The following STOML1 variants were observed in gnomAD, a reference collection of about 807,000 sequenced individuals.
STOML1 encodes stomatin like 1, also known as stomatin-like protein 1.
Under a neutral mutation model 35.7 loss-of-function variants are expected in STOML1, and 27 were observed. The ratio of observed to expected loss-of-function variants is 0.76; its 90% CI spans 0.56 to 1.04. The LOEUF is 1.04. Ranked by LOEUF, STOML1 falls within the 50% of genes least tolerant of loss-of-function variation. The pLI, the probability that STOML1 is intolerant of heterozygous loss-of-function variation, is 0.00. For missense variants in STOML1, 451 were observed against 527.1 expected (o/e 0.86, Z 1.41); for synonymous variants, 219 against 227.9 (o/e 0.96, Z 0.35).
chr15:73,984,157 C>A (rs368018019), intron 6 of STOML1, 27 bp from the exon 7 acceptor site: 6 of 1,596,810 alleles, frequency 3.8e-6, no homozygotes, highest in Admixed American at 1.7e-5. Context: ...AACCGAGTGT[C>A]AGTAGGGGAA....
chr15:73,985,204 G>A, intron 5 of STOML1, 114 bp downstream of exon 5: 6 of 1,271,736 alleles, frequency 4.7e-6, no homozygotes, highest in Non-Finnish European at 6.4e-6. Context: ...TGGTCAGTGT[G>A]GGCTGAACAT....
At chr15:73,991,956 C>T (rs2069290775) in intron 1 of STOML1, 135 bp downstream of exon 1, 1 of 1,333,284 alleles carries the variant, frequency 7.5e-7, no homozygotes, top group African/African-American at 1.5e-5. Flanking sequence ...CCCCTCTCCA[C>T]ATCGTATCCC....
intron 1 of STOML1, 110 bp downstream of exon 1, chr15:73,991,981 C>A: frequency 7.0e-7 from 1 of 1,425,590 alleles, no homozygotes; most frequent in Admixed American, 2.8e-5. Context: ...TCAGTCCCCC[C>A]TCGTAGGGTG....
rs1030663119 is a variant in STOML1 at position 73,983,893 on chromosome 15, G to A, written c.*44C>T. 18 of 1,571,406 alleles carry A rather than the reference G, an allele frequency of 1.1e-5. No individual in the cohort carries two copies. In the African/African-American group the frequency reaches 2.3e-4, roughly 20 times the overall value. ...CTCCTCCAAGAGGCCCCTCAGGCTT[G>A]GTGCCAGGCTTGGGACTGGGCTCTG... On this transcript the variant is annotated 3_prime_UTR_variant, in exon 7 of 7. Coordinates refer to ENST00000541638, the MANE Select transcript of STOML1 (RefSeq NM_004809.5).
intron 6 of STOML1, 25 bp downstream of exon 6, chr15:73,984,634 G>A: frequency 6.2e-7 from 1 of 1,609,986 alleles, no homozygotes; most frequent in Non-Finnish European, 8.5e-7. Flanking sequence ...TGGATGGGAA[G>A]GAGAGGCAAG....
chr15:73,986,449 CT>C (rs1016013340), intron 4 of STOML1: 2 of 152,088 alleles, frequency 1.3e-5, no homozygotes, highest in Non-Finnish European at 2.9e-5. Flanking sequence ...AGCATCAGGG[CT>C]AGGGCAGGAC....
Position 73,984,006 on chromosome 15 carries a change from T to C in STOML1, c.1128A>G (p.Gly376=), listed in dbSNP as rs1422741046. The change falls in exon 7 of 7, where the codon GGA becomes GGG. Residue 376 remains glycine, a synonymous_variant. Coordinates refer to ENST00000541638, the MANE Select transcript of STOML1 (RefSeq NM_004809.5). Reference sequence around the variant, plus strand: ...CCAGGTCGCCCTTCACCTTCAGCCGTCCACTCATGTAGGCCCCCAGGGGCC... The same window carrying C: ...CCAGGTCGCCCTTCACCTTCAGCCGCCCACTCATGTAGGCCCCCAGGGGCC... ...ELRPLGAYMS[G]RLKVKGDLAM... The C allele has an allele frequency of 1.2e-6, 2 of 1,614,002 alleles. No individual in the cohort carries two copies. The highest frequency in any genetic ancestry group is 1.1e-5 in the South Asian group (1 of 91,088).
Position 73,982,451 on chromosome 15 carries a change from C to T in STOML1, c.*1486G>A. The T allele has an allele frequency of 6.5e-6, 1 of 152,922 alleles. No homozygotes were observed. The allele number at this position is 152,922 out of a possible 1,614,324, so 9.5% of individuals were successfully genotyped here. ...GCCCTGGAAACCTGAACCTCAATGG[C>T]CATGGCAGTGACAGAGGGGTCTGTG... On this transcript the variant is annotated 3_prime_UTR_variant, in exon 7 of 7. Coordinates refer to ENST00000541638, the MANE Select transcript of STOML1 (RefSeq NM_004809.5).
chr15:73,990,108 T>G (rs1025492238), intron 2 of STOML1: 7 of 481,060 alleles, frequency 1.5e-5, no homozygotes, highest in African/African-American at 1.4e-4. Flanking sequence ...AGTGTCCAGA[T>G]CCCAGGACTT....
In STOML1 at chr15:73,983,612, G is replaced by T; in HGVS notation, c.*325C>A. On this transcript the variant is annotated 3_prime_UTR_variant, in exon 7 of 7. Coordinates refer to ENST00000541638, the MANE Select transcript of STOML1 (RefSeq NM_004809.5). Reference sequence around the variant, plus strand: ...CCAGCTGCTGTCAGGCTGTTTCTGTGGGTCCTGTCTCTCCAGTCAGGAAGC... The same window carrying T: ...CCAGCTGCTGTCAGGCTGTTTCTGTTGGTCCTGTCTCTCCAGTCAGGAAGC... 1 of 265,292 alleles carries T rather than the reference G, an allele frequency of 3.8e-6. No individual in the cohort carries two copies. The highest frequency in any genetic ancestry group is 1.1e-4 in the South Asian group (1 of 8,792). The allele number at this position is 265,292 out of a possible 1,614,324, so 16.4% of individuals were successfully genotyped here.
upstream of STOML1, among the ~76,000 whole-genome samples, chr15:73,992,707 G>T (rs1431887103): frequency 1.3e-5 from 2 of 152,214 alleles, no homozygotes; most frequent in Non-Finnish European, 2.9e-5. Flanking sequence ...CACTTGGGAG[G>T]CTGAGGCGGG....
chr15:73,985,200 G>C, intron 5 of STOML1, 118 bp downstream of exon 5: 1 of 1,253,006 alleles, frequency 8.0e-7, no homozygotes. Context: ...GCTGTGGTCA[G>C]TGTGGGCTGA....
chr15:73,991,671 C>G (rs1475979568), intron 1 of STOML1: 5 of 465,962 alleles, frequency 1.1e-5, no homozygotes, highest in Non-Finnish European at 1.7e-5. Flanking sequence ...AGTTCCCGGG[C>G]TTCTAGAGGT....
Position 73,990,425 on chromosome 15 carries a change from G to A in STOML1, c.166C>T (p.His56Tyr). Residue 56 changes from histidine to tyrosine, a missense_variant, in exon 2 of 7, where the codon CAT becomes TAT. By Grantham distance (83) the His-to-Tyr change is moderately conservative (BLOSUM62 2). Coordinates refer to ENST00000541638, the MANE Select transcript of STOML1 (RefSeq NM_004809.5). ...AACCCCAGGAAACTGATGAGGCCAT[G>A]ACAGAGGCAGGAGGGCCAGCTCTGG... ...VPQSWPSCLC[H>Y]GLISFLGFLL... The A allele has an allele frequency of 5.6e-6, 9 of 1,614,054 alleles. No individual in the cohort carries two copies. Among genetic ancestry groups the A allele is most frequent in the Non-Finnish European group, 7.6e-6 (9 of 1,179,968 alleles).
In STOML1 at chr15:73,992,233, C is replaced by T. The variant is rs1179178589; in HGVS notation, c.-10G>A. On this transcript the variant is annotated 5_prime_UTR_variant, in exon 1 of 7. Coordinates refer to ENST00000541638, the MANE Select transcript of STOML1 (RefSeq NM_004809.5). ...CAGACCTGCCGAGCATGGCTTTTGA[C>T]AGGAGACACGCCCCGCGCCTCCGCG... is the stretch of plus-strand genomic sequence containing the variant. The T allele has an allele frequency of 6.3e-7, 1 of 1,591,086 alleles. No homozygotes were observed. The highest frequency in any genetic ancestry group is 2.4e-5 in the East Asian group (1 of 41,282).
At chr15:73,985,836 G>A (rs562503893) in intron 4 of STOML1, 21 of 299,972 alleles carry the variant, frequency 7.0e-5, no homozygotes, top group African/African-American at 4.1e-4. Context: ...GTGGAGCTGC[G>A]AGGAACCAGA....
At chr15:73,986,191 G>A (rs1235271331) in intron 4 of STOML1, 1 of 152,494 alleles carries the variant, frequency 6.6e-6, no homozygotes, top group Non-Finnish European at 1.5e-5. Context: ...AGCCACAACA[G>A]GGCACTAGAG....
At chr15:73,994,192 C>T (rs748257700), upstream of STOML1, among the ~76,000 whole-genome samples, 17 of 152,196 alleles carry the variant, frequency 1.1e-4, no homozygotes, top group Non-Finnish European at 1.5e-5. Flanking sequence ...CTCATGAATT[C>T]CCTCTTAAAT....
intron 5 of STOML1, 144 bp from the exon 6 acceptor site, chr15:73,985,015 C>T: frequency 2.0e-6 from 2 of 1,003,120 alleles, no homozygotes; most frequent in South Asian, 3.2e-5. Flanking sequence ...ACTTCCTCCT[C>T]TACCAGAAAG....
Sources: gnomAD v4.1 joint callset for allele counts (sites outside exome capture counted in the v4.1 genomes callset) on GRCh38, gnomAD v4.1.1 for gene constraint, MANE v1.5 for transcripts, NCBI Gene and HGNC (gene_info 2026-07-23, HGNC 2026-07-21) for gene names.